SETBP1: variants seen among roughly 807,000 people sequenced by gnomAD.
SETBP1 encodes the protein SET-binding protein.
A neutral mutation model predicts 101.0 loss-of-function variants in SETBP1; 9 were observed. The ratio of observed to expected loss-of-function variants is 0.09; its 90% confidence interval spans 0.05 to 0.16. SETBP1 has a LOEUF of 0.16. Among genes scored for constraint, SETBP1 ranks in the 10% least tolerant of loss-of-function variants. The pLI is 1.00. For missense variants in SETBP1, 1,858 were observed against 2,033.8 expected, an observed-to-expected ratio of 0.91 and a Z score of 1.66; for synonymous variants, 818 against 788.5, an observed-to-expected ratio of 1.04 and a Z score of -0.63.
chr18:44,912,645 C>T (rs2070339115), intron 3 of SETBP1, among the ~76,000 whole-genome samples: 1 of 152,114 alleles, frequency 6.6e-6, no homozygotes, highest in Non-Finnish European at 1.5e-5. Flanking sequence ...TCTCCATCTC[C>T]TGACCTGGTG....
At chr18:45,061,948 T>C (rs1452828000) in intron 5 of SETBP1, among the ~76,000 whole-genome samples, 3 of 152,230 alleles carry the variant, frequency 2.0e-5, no homozygotes, top group Admixed American at 6.5e-5. Context: ...ACACTTCTTA[T>C]GTTTATAAAC....
At chr18:44,863,782 T>C (rs908269972) in intron 2 of SETBP1, among the ~76,000 whole-genome samples, 1 of 152,214 alleles carries the variant, frequency 6.6e-6, no homozygotes, top group African/African-American at 2.4e-5. Flanking sequence ...TACCTATGCA[T>C]CAATCCATCT....
chr18:45,015,264 TG>T (rs2072918653), intron 4 of SETBP1, among the ~76,000 whole-genome samples: 1 of 152,218 alleles, frequency 6.6e-6, no homozygotes, highest in Non-Finnish European at 1.5e-5. Context: ...TCTAGGGGTC[TG>T]GGCAAGATGG....
chr18:44,803,141 A>T (rs575708797), intron 2 of SETBP1, among the ~76,000 whole-genome samples: 1 of 152,250 alleles, frequency 6.6e-6, no homozygotes, highest in Admixed American at 6.5e-5. Flanking sequence ...GGGAAGGGAC[A>T]TCCTTAGGAA....
intron 4 of SETBP1, among the ~76,000 whole-genome samples, chr18:45,030,191 A>G (rs2073261816): frequency 1.4e-5 from 2 of 139,648 alleles, no homozygotes; most frequent in African/African-American, 2.7e-5. Flanking sequence ...TCCCATCAAT[A>G]CCTAATTTAT....
At chr18:44,782,216 G>A (rs966853142) in intron 2 of SETBP1, among the ~76,000 whole-genome samples, 14 of 152,090 alleles carry the variant, frequency 9.2e-5, no homozygotes, top group African/African-American at 3.4e-4. Context: ...CTTTCTCCAC[G>A]TTAAGGAGAG....
Position 45,020,986 on chromosome 18 carries a change from T to A in SETBP1, c.4001-17499T>A, listed in dbSNP as rs1311765972. On this transcript the variant is annotated intron_variant, in intron 4 of 5. Transcript: ENST00000649279. ...ATGTGTGGTTTGTCTTTAGTTAGAA[T>A]GATAATCATCACTGCCCTTTCTTGG... is the stretch of plus-strand genomic sequence containing the variant. Among the ~76,000 whole-genome samples, 4 of 152,236 alleles carry A rather than the reference T, an allele frequency of 2.6e-5. No homozygotes were observed. In the East Asian group the frequency reaches 7.7e-4, roughly 29 times the overall value.
At chr18:44,810,236 GA>G (rs2071832607) in intron 2 of SETBP1, among the ~76,000 whole-genome samples, 1 of 152,184 alleles carries the variant, frequency 6.6e-6, no homozygotes, top group South Asian at 2.1e-4. Context: ...CAAGATTTGA[GA>G]ATCGATAGTA....
In SETBP1 at chr18:44,874,563, A is replaced by G. The variant is rs1381571211; in HGVS notation, c.540+5280A>G. Among the ~76,000 whole-genome samples, 179 of 152,196 alleles carry G rather than the reference A, an allele frequency of 1.2e-3. 3 individuals are homozygous for G. Among genetic ancestry groups the G allele is most frequent in the Non-Finnish European group, 8.8e-5 (6 of 68,040 alleles). On this transcript the variant is annotated intron_variant, in intron 3 of 5. Transcript: ENST00000649279. ...ATCACAGAGGAGATGAATGCCAAAA[A>G]GTTTGGTGGCAGAATTAGTGGACCA...
intron 2 of SETBP1, among the ~76,000 whole-genome samples, chr18:44,841,191 T>C (rs187762048): frequency 1.3e-5 from 2 of 152,298 alleles, no homozygotes; most frequent in Admixed American, 6.5e-5. Flanking sequence ...GCTGTAGTCA[T>C]CTGATTGTGT....
At chr18:44,828,979 T>G (rs2072299196) in intron 2 of SETBP1, among the ~76,000 whole-genome samples, 1 of 152,222 alleles carries the variant, frequency 6.6e-6, no homozygotes. Context: ...ATTTCTGTTG[T>G]TTTAGCCACC....
intron 2 of SETBP1, among the ~76,000 whole-genome samples, chr18:44,842,629 A>G (rs2072640033): frequency 6.6e-6 from 1 of 152,170 alleles, no homozygotes; most frequent in Non-Finnish European, 1.5e-5. Context: ...TGCATGGTCT[A>G]CAGATTCGCA....
intron 3 of SETBP1, among the ~76,000 whole-genome samples, chr18:44,894,995 TCC>T (rs2144800378): frequency 6.8e-6 from 1 of 147,882 alleles, no homozygotes. Flanking sequence ...GTGCCTGTAG[TCC>T]CAGCTACTAG....
At chr18:44,913,768 T>C (rs1281217041) in intron 3 of SETBP1, among the ~76,000 whole-genome samples, 1 of 152,202 alleles carries the variant, frequency 6.6e-6, no homozygotes, top group Non-Finnish European at 1.5e-5. Context: ...TTCAATGTGG[T>C]CTCTCAGGCA....
chr18:44,689,008 C>T (rs1247315316), intron 1 of SETBP1, among the ~76,000 whole-genome samples: 1 of 152,162 alleles, frequency 6.6e-6, no homozygotes, highest in Non-Finnish European at 1.5e-5. Flanking sequence ...TCTACAGATA[C>T]GTGCTTTGCT....
intron 2 of SETBP1, among the ~76,000 whole-genome samples, chr18:44,859,452 G>A (rs2073034642): frequency 6.6e-6 from 1 of 152,178 alleles, no homozygotes; most frequent in Non-Finnish European, 1.5e-5. Flanking sequence ...GGGGATCATG[G>A]ATGGCTGAGA....
At chr18:45,016,548 A>G (rs1040123736) in intron 4 of SETBP1, among the ~76,000 whole-genome samples, 5 of 152,072 alleles carry the variant, frequency 3.3e-5, no homozygotes, top group Admixed American at 2.6e-4. Flanking sequence ...TCTTCTCCCA[A>G]TCTCTCCAAG....
chr18:44,856,395 C>T (rs974734684), intron 2 of SETBP1, among the ~76,000 whole-genome samples: 1 of 152,142 alleles, frequency 6.6e-6, no homozygotes, highest in Non-Finnish European at 1.5e-5. Flanking sequence ...AAGTCACTGC[C>T]CGATTTTTTG....
intron 2 of SETBP1, among the ~76,000 whole-genome samples, chr18:44,756,459 C>T (rs1599081494): frequency 6.6e-6 from 1 of 152,172 alleles, no homozygotes; most frequent in South Asian, 2.1e-4. Context: ...ACAGTGCTGT[C>T]AAGTACATCC....
Sources: gnomAD v4.1 joint callset for allele counts (sites outside exome capture counted in the v4.1 genomes callset) on GRCh38, gnomAD v4.1.1 for gene constraint, MANE v1.5 for transcripts, NCBI Gene and HGNC (gene_info 2026-07-23, HGNC 2026-07-21) for gene names.